The following LRRC71 variants were observed in gnomAD, a reference collection of about 807,000 sequenced individuals.
LRRC71 encodes the protein leucine rich repeat containing 71, also known as leucine-rich repeat-containing protein 71.
Under a neutral mutation model 66.6 loss-of-function variants are expected in LRRC71, and 54 were observed. The ratio of observed to expected loss-of-function variants is 0.81; its 90% CI spans 0.65 to 1.02. The LOEUF is 1.02. LRRC71 is among the 50% of genes least tolerant of loss of function. LRRC71 has a pLI of 0.00. For synonymous variants in LRRC71, 323 were observed against 303.9 expected, an observed-to-expected ratio of 1.06 and a Z score of -0.65; for missense variants, 724 against 718.0, an observed-to-expected ratio of 1.01 and a Z score of -0.10.
chr1:156,930,687 C>A, intron 12 of LRRC71, 70 bp downstream of exon 12: 4 of 1,391,810 alleles, frequency 2.9e-6, no homozygotes, highest in East Asian at 2.5e-5. Context: ...AGACGTCTCA[C>A]CCCAGCCCCT....
the LRRC71 span, among the ~76,000 whole-genome samples, chr1:156,941,004 C>G: frequency 5.9e-5 from 9 of 152,168 alleles, no homozygotes; most frequent in African/African-American, 1.9e-4. Flanking sequence ...TCCCCAGCCC[C>G]GCCATGTTTT....
In LRRC71 at chr1:156,932,028, G is replaced by C. The variant is rs376165702; in HGVS notation, c.1441+1G>C. The stretch of plus-strand genomic sequence containing the variant: ...GTCCTTTTGCACCTCAACCTCATCC[G>C]TATGTCTGCCAACCTCCCCTGTCCT... On this transcript the variant is annotated splice_donor_variant, in intron 13 of 14. Transcript: ENST00000337428. LOFTEE classifies it high-confidence loss of function. 1 of 1,584,058 alleles carries C rather than the reference G, an allele frequency of 6.3e-7. No homozygotes were observed. The highest frequency in any genetic ancestry group is 8.6e-7 in the Non-Finnish European group (1 of 1,164,066).
the LRRC71 span, chr1:156,938,693 C>G: frequency 3.8e-6 from 2 of 521,980 alleles, no homozygotes; most frequent in Admixed American, 3.6e-5. Flanking sequence ...GAACTTTCCA[C>G]CAATTCACCG....
chr1:156,933,575 A>C (rs910201548), downstream of LRRC71, among the ~76,000 whole-genome samples: 2 of 152,246 alleles, frequency 1.3e-5, no homozygotes, highest in Non-Finnish European at 2.9e-5. Flanking sequence ...CTAAACGCTC[A>C]ACATCTACAT....
chr1:156,932,043 T>C lies in LRRC71; in HGVS notation c.1441+16T>C. The C allele has an allele frequency of 1.3e-6, 2 of 1,558,514 alleles. No homozygotes were observed. Among genetic ancestry groups the C allele is most frequent in the Non-Finnish European group, 1.7e-6 (2 of 1,146,586 alleles). ...AACCTCATCCGTATGTCTGCCAACC[T>C]CCCCTGTCCTCCTGTCATGAGGCTA... On this transcript the variant is annotated intron_variant, in intron 13 of 14. Coordinates refer to ENST00000337428, the MANE Select transcript of LRRC71 (RefSeq NM_144702.3).
chr1:156,924,856 G>A (rs1364645505), intron 4 of LRRC71, 82 bp from the exon 5 acceptor site: 2 of 1,517,144 alleles, frequency 1.3e-6, no homozygotes, highest in Non-Finnish European at 9.0e-7. Context: ...GAAGGGCACC[G>A]CTGGGAGAAC....
intron 11 of LRRC71, among the ~76,000 whole-genome samples, chr1:156,930,044 C>CTCTTTCTTTCTTTCTTTT (rs1553189669): frequency 0.16 from 20,026 of 127,252 alleles, 1,953 homozygotes; most frequent in South Asian, 0.23. Context: ...TTCTTTCTTT[C>CTCTTTCTTTCTTTCTTTT]TCTTTCTTTC....
At chr1:156,921,044 G>T in intron 1 of LRRC71, 81 bp downstream of exon 1, 1 of 1,412,290 alleles carries the variant, frequency 7.1e-7, no homozygotes, top group Non-Finnish European at 9.3e-7. Flanking sequence ...CTGCTCCAAG[G>T]TTATGGCTGA....
chr1:156,925,490 T>C (rs940856969), intron 5 of LRRC71, among the ~76,000 whole-genome samples: 2 of 152,156 alleles, frequency 1.3e-5, no homozygotes, highest in African/African-American at 2.4e-5. Flanking sequence ...CAGAGAGAAG[T>C]GCCACCCACT....
chr1:156,936,025 T>G (rs1654982165), downstream of LRRC71: 3 of 1,613,722 alleles, frequency 1.9e-6, no homozygotes, highest in Admixed American at 1.7e-5. Flanking sequence ...CGCGGCTGCG[T>G]CTGCTGTGCT....
At chr1:156,937,523 C>A, downstream of LRRC71, 1 of 1,507,260 alleles carries the variant, frequency 6.6e-7, no homozygotes, top group Non-Finnish European at 8.9e-7. Flanking sequence ...AGAATGAGAT[C>A]AGGAGGCAAA....
chr1:156,932,697 T>C (rs745547536), intron 14 of LRRC71, 152 bp downstream of exon 14: 1 of 1,559,576 alleles, frequency 6.4e-7, no homozygotes, highest in Non-Finnish European at 8.8e-7. Context: ...ATAACCTCCA[T>C]TCCTCTTGCT....
downstream of LRRC71, among the ~76,000 whole-genome samples, chr1:156,933,773 T>C (rs554548021): frequency 2.0e-5 from 3 of 152,336 alleles, no homozygotes; most frequent in South Asian, 2.1e-4. Context: ...TGTAAACCTA[T>C]ACAGCAGTGT....
downstream of LRRC71, chr1:156,937,587 A>C: frequency 7.3e-7 from 1 of 1,376,136 alleles, no homozygotes; most frequent in Non-Finnish European, 9.8e-7. Context: ...GCCACCTGAC[A>C]GAGCAGGCCA....
intron 9 of LRRC71, among the ~76,000 whole-genome samples, chr1:156,928,511 C>T: frequency 1.4e-5 from 2 of 143,462 alleles, no homozygotes; most frequent in African/African-American, 5.6e-5. Context: ...TCCTCCTCCT[C>T]CTCTTCCTCT....
intron 9 of LRRC71, among the ~76,000 whole-genome samples, chr1:156,928,307 AAAC>A (rs1388219785): frequency 6.6e-6 from 1 of 150,498 alleles, no homozygotes; most frequent in Non-Finnish European, 1.5e-5. Flanking sequence ...GCATGTTACT[AAAC>A]AACTTCTTCT....
chr1:156,923,236 G>T (rs534044249), intron 1 of LRRC71, among the ~76,000 whole-genome samples: 93 of 152,276 alleles, frequency 6.1e-4, no homozygotes, highest in African/African-American at 2.2e-3. Flanking sequence ...ACTTGGCAGG[G>T]ACTCCCATCC....
chr1:156,940,384 G>C, the LRRC71 span: 43 of 1,612,692 alleles, frequency 2.7e-5, no homozygotes, highest in Non-Finnish European at 3.6e-5. Context: ...TCCTCTAGCA[G>C]GACCTGGTGC....
downstream of LRRC71, chr1:156,934,875 T>A (rs1654789763): frequency 6.6e-6 from 1 of 150,938 alleles, no homozygotes; most frequent in Admixed American, 6.6e-5. Flanking sequence ...AAAAAAATCT[T>A]AACCATGAAA....
Sources: allele counts gnomAD v4.1 joint callset (sites outside exome capture counted in the v4.1 genomes callset), GRCh38; gene constraint gnomAD v4.1.1; transcripts MANE v1.5; gene names NCBI Gene and HGNC (gene_info 2026-07-23, HGNC 2026-07-21).